The following CCDC91 variants were observed in gnomAD, a reference collection of about 807,000 sequenced individuals.
CCDC91 encodes the protein coiled-coil domain-containing protein 91.
A neutral mutation model predicts 63.2 loss-of-function variants in CCDC91; 48 were observed. That is an observed-to-expected ratio of 0.76 (90% CI 0.60 to 0.97). The LOEUF (loss-of-function observed/expected upper bound fraction) is 0.97. Ranked by LOEUF, CCDC91 falls within the 50% of genes least tolerant of loss-of-function variation. The pLI, the probability that CCDC91 is intolerant of heterozygous loss-of-function variation, is 0.00. For missense variants in CCDC91, 500 were observed against 494.6 expected (o/e 1.01, Z -0.10); for synonymous variants, 167 against 165.8 (o/e 1.01, Z -0.06).
chr12:28,259,293 GA>G, intron 2 of CCDC91, 70 bp from the exon 3 acceptor site: 1 of 1,094,410 alleles, frequency 9.1e-7, no homozygotes, highest in Non-Finnish European at 1.4e-6. Context: ...TATTGAACTG[GA>G]ATGCTTGATC....
chr12:28,301,298 G>A (rs1005124387), intron 3 of CCDC91, among the ~76,000 whole-genome samples: 8 of 151,254 alleles, frequency 5.3e-5, no homozygotes, highest in African/African-American at 1.9e-4. Context: ...GTTTTATCAC[G>A]GGCATTTCCA....
chr12:28,337,548 A>G (rs1303912081), intron 6 of CCDC91, among the ~76,000 whole-genome samples: 1 of 149,336 alleles, frequency 6.7e-6, no homozygotes, highest in South Asian at 2.1e-4. Context: ...TTTTTTCTTT[A>G]AAGTTACGGT....
At chr12:28,367,603 A>C (rs1425241763) in intron 7 of CCDC91, among the ~76,000 whole-genome samples, 1 of 152,220 alleles carries the variant, frequency 6.6e-6, no homozygotes, top group Non-Finnish European at 1.5e-5. Context: ...AATTTCCCAA[A>C]TTTGGCAAAA....
chr12:28,399,918 T>C (rs946700463), intron 8 of CCDC91, among the ~76,000 whole-genome samples: 8 of 152,142 alleles, frequency 5.3e-5, no homozygotes, highest in African/African-American at 1.9e-4. Flanking sequence ...AGGCATTGAG[T>C]GTGGCTTTTC....
intron 12 of CCDC91, among the ~76,000 whole-genome samples, chr12:28,543,180 G>A (rs558944802): frequency 7.9e-5 from 12 of 152,150 alleles, no homozygotes; most frequent in African/African-American, 2.9e-4. Context: ...CCCTAATCCA[G>A]TAAGAGCCCA....
chr12:28,459,329 A>G (rs1950199204), intron 11 of CCDC91, among the ~76,000 whole-genome samples: 1 of 152,108 alleles, frequency 6.6e-6, no homozygotes, highest in Non-Finnish European at 1.5e-5. Context: ...GTCTTCTCCA[A>G]TAGATTATGA....
intron 1 of CCDC91, among the ~76,000 whole-genome samples, chr12:28,214,834 C>A (rs1943465012): frequency 6.6e-6 from 1 of 152,024 alleles, no homozygotes; most frequent in Admixed American, 6.6e-5. Context: ...TTGTTATTTT[C>A]TTTATTTGGA....
intron 6 of CCDC91, among the ~76,000 whole-genome samples, chr12:28,359,385 G>A (rs1943728443): frequency 6.6e-6 from 1 of 152,140 alleles, no homozygotes; most frequent in Non-Finnish European, 1.5e-5. Flanking sequence ...AAGGCATCTA[G>A]GGTAGTGTGC....
chr12:28,468,226 A>G (rs1168339629), intron 11 of CCDC91, among the ~76,000 whole-genome samples: 3 of 151,672 alleles, frequency 2.0e-5, no homozygotes. Context: ...TCCAAATAAA[A>G]TCAGAGATGA....
intron 12 of CCDC91, among the ~76,000 whole-genome samples, chr12:28,519,846 T>A (rs1197840966): frequency 1.3e-5 from 2 of 151,844 alleles, no homozygotes; most frequent in African/African-American, 4.8e-5. Flanking sequence ...TGCGATAGTT[T>A]GCTGAGAATG....
intron 12 of CCDC91, among the ~76,000 whole-genome samples, chr12:28,499,965 T>A (rs879345360): frequency 1.3e-5 from 2 of 152,152 alleles, no homozygotes; most frequent in African/African-American, 2.4e-5. Context: ...CCACCAACAG[T>A]GTAAAAGCGT....
intron 12 of CCDC91, among the ~76,000 whole-genome samples, chr12:28,512,943 G>A (rs1177760278): frequency 1.3e-5 from 2 of 151,820 alleles, no homozygotes; most frequent in African/African-American, 4.8e-5. Context: ...CCTCCCTCAT[G>A]CTGTACTTCT....
At chr12:28,473,588 G>GA (rs1247681476) in intron 11 of CCDC91, among the ~76,000 whole-genome samples, 4 of 151,768 alleles carry the variant, frequency 2.6e-5, no homozygotes, top group Non-Finnish European at 5.9e-5. Context: ...CACCTTTTTT[G>GA]AAAAGTTTCC....
At chr12:28,239,392 G>T (rs1464585339) in intron 1 of CCDC91, among the ~76,000 whole-genome samples, 1 of 151,980 alleles carries the variant, frequency 6.6e-6, no homozygotes, top group East Asian at 1.9e-4. Flanking sequence ...TATGTATAAA[G>T]ATTTTTTAAA....
At chr12:28,431,019 T>C (rs757525346) in intron 8 of CCDC91, among the ~76,000 whole-genome samples, 17 of 152,272 alleles carry the variant, frequency 1.1e-4, no homozygotes, top group Middle Eastern at 3.4e-3. Flanking sequence ...ATGTAGAATA[T>C]TTAAAAACTT....
intron 1 of CCDC91, among the ~76,000 whole-genome samples, chr12:28,197,363 A>G (rs1941854055): frequency 6.6e-6 from 1 of 152,158 alleles, no homozygotes; most frequent in Admixed American, 6.5e-5. Flanking sequence ...ACTGATCTAT[A>G]CAGAATTACT....
chr12:28,507,507 A>G (rs573477247), intron 12 of CCDC91, among the ~76,000 whole-genome samples: 11 of 152,000 alleles, frequency 7.2e-5, no homozygotes, highest in Non-Finnish European at 1.5e-4. Context: ...ATTCTGTTAT[A>G]AAGATATTTG....
chr12:28,419,360 T>C (rs1471998860), intron 8 of CCDC91, among the ~76,000 whole-genome samples: 1 of 152,158 alleles, frequency 6.6e-6, no homozygotes, highest in South Asian at 2.1e-4. Context: ...ACGGTAAATA[T>C]AAGTGGTCTT....
At chr12:28,548,911 TTTACTGTCA>T in intron 12 of CCDC91, 143 bp from the exon 13 acceptor site, 1 of 545,312 alleles carries the variant, frequency 1.8e-6, no homozygotes, top group South Asian at 2.8e-5. Flanking sequence ...AAAGAGTGAC[TTTACTGTCA>T]TTCAGTTGAA....
Sources: gnomAD v4.1 joint callset for allele counts (sites outside exome capture counted in the v4.1 genomes callset) on GRCh38, gnomAD v4.1.1 for gene constraint, MANE v1.5 for transcripts, NCBI Gene and HGNC (gene_info 2026-07-23, HGNC 2026-07-21) for gene names.